The following SDK1 variants were observed in gnomAD, a reference collection of about 807,000 sequenced individuals.
SDK1 encodes protein sidekick-1.
Under a neutral mutation model 245.5 loss-of-function variants are expected in SDK1, and 157 were observed. The ratio of observed to expected loss-of-function variants is 0.64; its 90% CI spans 0.56 to 0.73. The LOEUF (loss-of-function observed/expected upper bound fraction) is 0.73. Ranked by LOEUF, SDK1 falls within the 30% of genes least tolerant of loss-of-function variation. The pLI, the probability that SDK1 is intolerant of heterozygous loss-of-function variation, is 0.00. For missense variants in SDK1, 3,583 were observed against 3,002.3 expected (o/e 1.19, Z -4.52); for synonymous variants, 1,647 against 1,278.5 (o/e 1.29, Z -6.15).
intron 1 of SDK1, among the ~76,000 whole-genome samples, chr7:3,506,351 C>G (rs986776949): frequency 6.6e-6 from 1 of 152,196 alleles, no homozygotes; most frequent in East Asian, 1.9e-4. Flanking sequence ...AGTAATCACT[C>G]TTACCTATTC....
At position 3,693,770 on chromosome 7, in the gene SDK1, C is replaced by T. The variant is rs73672145; in HGVS notation, c.713+51665C>T. On this transcript the variant is annotated intron_variant, in intron 4 of 44. Transcript: ENST00000404826. ...AATCTATTGTTATAGCCTCTAGATT[C>T]TGGCACTGGCCTATAATTTTTACCA... Among the ~76,000 whole-genome samples the T allele has an allele frequency of 7.9e-3, 1,199 of 152,278 alleles. 15 individuals are homozygous for T. The highest frequency in any genetic ancestry group is 0.028 in the African/African-American group (1,156 of 41,552).
At chr7:4,080,776 G>A (rs929534223) in intron 22 of SDK1, among the ~76,000 whole-genome samples, 6 of 152,084 alleles carry the variant, frequency 3.9e-5, no homozygotes, top group Non-Finnish European at 8.8e-5. Flanking sequence ...GTTAATGGGT[G>A]CAGCACACCA....
intron 1 of SDK1, among the ~76,000 whole-genome samples, chr7:3,591,881 G>C (rs1780886164): frequency 6.6e-6 from 1 of 150,756 alleles, no homozygotes; most frequent in South Asian, 2.1e-4. Context: ...ATCAGATACA[G>C]GGAACCTGGG....
chr7:4,005,298 G>C (rs574484174), intron 14 of SDK1, among the ~76,000 whole-genome samples: 3 of 151,740 alleles, frequency 2.0e-5, no homozygotes, highest in African/African-American at 7.3e-5. Flanking sequence ...ACCTGCCTCG[G>C]CCTCCCAAAG....
chr7:3,430,802 C>T lies in SDK1; in HGVS notation c.298+128918C>T, dbSNP rs921023898. Among the ~76,000 whole-genome samples the T allele has an allele frequency of 4.6e-5, 7 of 152,322 alleles. No homozygotes were observed. In the East Asian group the frequency reaches 9.7e-4, roughly 21 times the overall value. On this transcript the variant is annotated intron_variant, in intron 1 of 44. Transcript: ENST00000404826. The stretch of plus-strand genomic sequence containing the variant: ...CATGACCTGCTAGGGCCCATGCCTC[C>T]GGTGGATGGAATGAAGCAAGGATGG...
At chr7:4,190,769 C>T (rs1360084659) in intron 35 of SDK1, among the ~76,000 whole-genome samples, 1 of 152,258 alleles carries the variant, frequency 6.6e-6, no homozygotes, top group African/African-American at 2.4e-5. Context: ...CCCGGGACAG[C>T]CTCTTGCCAA....
chr7:4,012,917 G>A (rs1043177212), intron 16 of SDK1, among the ~76,000 whole-genome samples: 11 of 152,012 alleles, frequency 7.2e-5, no homozygotes, highest in African/African-American at 2.7e-4. Context: ...TTTCAACCAA[G>A]GGCATGTGTT....
intron 5 of SDK1, among the ~76,000 whole-genome samples, chr7:3,831,699 C>G (rs1779916191): frequency 6.6e-6 from 1 of 151,942 alleles, no homozygotes; most frequent in Non-Finnish European, 1.5e-5. Flanking sequence ...GTAATAGTAA[C>G]AACAGCTGTT....
chr7:3,563,594 A>G (rs1447275635), intron 1 of SDK1, among the ~76,000 whole-genome samples: 2 of 152,368 alleles, frequency 1.3e-5, no homozygotes, highest in South Asian at 2.1e-4. Context: ...AGAGACATCA[A>G]CAGTTGTAGC....
chr7:3,535,310 G>T (rs1401983848), intron 1 of SDK1, among the ~76,000 whole-genome samples: 2 of 152,100 alleles, frequency 1.3e-5, no homozygotes, highest in African/African-American at 4.8e-5. Flanking sequence ...AGGCTATAAA[G>T]AGTCCCTTTG....
intron 1 of SDK1, among the ~76,000 whole-genome samples, chr7:3,447,509 C>T (rs1054739781): frequency 5.3e-5 from 8 of 152,024 alleles, no homozygotes; most frequent in African/African-American, 1.4e-4. Flanking sequence ...AGTTGCCCCC[C>T]ACCCCATTCT....
intron 1 of SDK1, among the ~76,000 whole-genome samples, chr7:3,366,064 A>G (rs536372965): frequency 1.3e-5 from 2 of 151,126 alleles, no homozygotes; most frequent in South Asian, 2.1e-4. Flanking sequence ...GTCTCTTCAT[A>G]TATTTTTTCT....
intron 29 of SDK1, among the ~76,000 whole-genome samples, chr7:4,146,144 G>A (rs906165869): frequency 1.2e-4 from 17 of 141,510 alleles, no homozygotes; most frequent in African/African-American, 2.8e-4. Context: ...TCTCAGACAC[G>A]TGAGCACTGC....
intron 5 of SDK1, among the ~76,000 whole-genome samples, chr7:3,949,965 A>G (rs1372171126): frequency 6.6e-6 from 1 of 152,230 alleles, no homozygotes; most frequent in Non-Finnish European, 1.5e-5. Flanking sequence ...ACCCATGCCT[A>G]ACGTAGTGGC....
intron 4 of SDK1, chr7:3,642,778 C>A (rs185188444): frequency 6.6e-6 from 1 of 152,306 alleles, no homozygotes; most frequent in South Asian, 2.1e-4. Flanking sequence ...TATTTCATAA[C>A]TGGACATTTT....
At chr7:3,777,390 T>C (rs1780598441) in intron 4 of SDK1, among the ~76,000 whole-genome samples, 9 of 152,248 alleles carry the variant, frequency 5.9e-5, no homozygotes, top group Admixed American at 5.9e-4. Flanking sequence ...TTTACTCATA[T>C]AATCCAGTTT....
At chr7:3,996,073 T>A (rs996078730) in intron 14 of SDK1, among the ~76,000 whole-genome samples, 1 of 152,170 alleles carries the variant, frequency 6.6e-6, no homozygotes, top group Non-Finnish European at 1.5e-5. Flanking sequence ...CTAATTTTTC[T>A]GGAATTTAGG....
chr7:3,753,232 A>G (rs1779824373), intron 4 of SDK1, among the ~76,000 whole-genome samples: 1 of 152,244 alleles, frequency 6.6e-6, no homozygotes, highest in Non-Finnish European at 1.5e-5. Context: ...AATAAAAATT[A>G]TAAACCCTCT....
At chr7:3,536,415 A>C (rs990244192) in intron 1 of SDK1, among the ~76,000 whole-genome samples, 26 of 152,258 alleles carry the variant, frequency 1.7e-4, no homozygotes, top group African/African-American at 6.0e-4. Flanking sequence ...TCGTTGGCTC[A>C]TGCCTGTAAT....
Sources: allele counts gnomAD v4.1 joint callset (sites outside exome capture counted in the v4.1 genomes callset), GRCh38; gene constraint gnomAD v4.1.1; transcripts MANE v1.5; gene names NCBI Gene and HGNC (gene_info 2026-07-23, HGNC 2026-07-21).